Variants in SYN3 observed in about 807,000 individuals in gnomAD.
SYN3 encodes synapsin-3.
In SYN3, 35 loss-of-function variants were observed where a neutral mutation model predicts 65.8. That is an observed-to-expected ratio of 0.53 (90% CI 0.41 to 0.70). SYN3 has a LOEUF of 0.70. SYN3 is among the 30% of genes least tolerant of loss of function. The probability of loss-of-function intolerance (pLI) is 0.00; values close to 1 mark genes in which losing one functional copy is unlikely to be tolerated. For synonymous variants in SYN3, 270 were observed against 292.9 expected (o/e 0.92, Z 0.80); for missense variants, 680 against 749.0 (o/e 0.91, Z 1.08).
chr22:32,661,674 G>A (rs997847226), intron 6 of SYN3, among the ~76,000 whole-genome samples: 26 of 152,114 alleles, frequency 1.7e-4, no homozygotes, highest in Admixed American at 3.3e-4. Context: ...GGGACCTGTC[G>A]CGGTCAAGCA....
chr22:32,822,322 T>C (rs1225859335), intron 6 of SYN3, among the ~76,000 whole-genome samples: 1 of 152,138 alleles, frequency 6.6e-6, no homozygotes, highest in Non-Finnish European at 1.5e-5. Flanking sequence ...ATGTGCTCCA[T>C]GTGCTGATGC....
intron 1 of SYN3, among the ~76,000 whole-genome samples, chr22:33,041,549 C>T (rs570395154): frequency 6.6e-6 from 1 of 152,180 alleles, no homozygotes; most frequent in Admixed American, 6.5e-5. Context: ...CCGCCCGTCT[C>T]GGCCTCCCAA....
At chr22:32,839,519 C>T (rs2047833838) in intron 6 of SYN3, among the ~76,000 whole-genome samples, 1 of 152,130 alleles carries the variant, frequency 6.6e-6, no homozygotes, top group Non-Finnish European at 1.5e-5. Flanking sequence ...GTCCTCCCTC[C>T]CCAGGTAAGT....
intron 4 of SYN3, among the ~76,000 whole-genome samples, chr22:32,869,690 G>GTTT (rs748620876): frequency 2.4e-4 from 27 of 114,890 alleles, no homozygotes; most frequent in Admixed American, 3.1e-4. Context: ...ACACATCTTG[G>GTTT]TTTTTTTTTT....
At chr22:32,832,822 G>A (rs1050296321) in intron 6 of SYN3, among the ~76,000 whole-genome samples, 3 of 151,996 alleles carry the variant, frequency 2.0e-5, no homozygotes, top group African/African-American at 7.3e-5. Context: ...CAACTTCCTA[G>A]GCTCAAGTGA....
chr22:32,813,525 A>T (rs1003397613), intron 6 of SYN3, among the ~76,000 whole-genome samples: 1 of 147,696 alleles, frequency 6.8e-6, no homozygotes, highest in African/African-American at 2.5e-5. Context: ...ACACACACAC[A>T]CACACACACA....
At chr22:33,048,542 T>A (rs1336191482) in intron 1 of SYN3, among the ~76,000 whole-genome samples, 1 of 152,142 alleles carries the variant, frequency 6.6e-6, no homozygotes, top group Non-Finnish European at 1.5e-5. Flanking sequence ...CTTGCCCTAT[T>A]AGTTCACACA....
At chr22:32,695,409 T>C (rs1462089758) in intron 6 of SYN3, among the ~76,000 whole-genome samples, 8 of 152,176 alleles carry the variant, frequency 5.3e-5, no homozygotes, top group South Asian at 2.1e-4. Flanking sequence ...AAACGTCTTG[T>C]TGTGTTCTGT....
At chr22:32,637,943 T>G (rs927908924) in intron 6 of SYN3, among the ~76,000 whole-genome samples, 2 of 152,158 alleles carry the variant, frequency 1.3e-5, no homozygotes, top group African/African-American at 2.4e-5. Context: ...CCAGCAACAG[T>G]TAGCTTTTCA....
chr22:32,701,544 A>T (rs989669586), intron 6 of SYN3, among the ~76,000 whole-genome samples: 2 of 152,220 alleles, frequency 1.3e-5, no homozygotes, highest in Non-Finnish European at 2.9e-5. Flanking sequence ...ATGTCCAAGG[A>T]TATAAAGAAA....
intron 6 of SYN3, among the ~76,000 whole-genome samples, chr22:32,734,502 G>GAGGCAGGC (rs1190443904): frequency 8.8e-6 from 1 of 113,176 alleles, no homozygotes; most frequent in Non-Finnish European, 1.9e-5. Flanking sequence ...GAGCAGAGAA[G>GAGGCAGGC]AGGCAGGCAG....
chr22:32,794,036 A>T (rs1309165933), intron 6 of SYN3, among the ~76,000 whole-genome samples: 1 of 152,158 alleles, frequency 6.6e-6, no homozygotes, highest in Non-Finnish European at 1.5e-5. Flanking sequence ...AACCAAGAAG[A>T]TCCAAGAGCC....
chr22:32,886,910 AGCCCTTACAT>A (rs1413465839), intron 4 of SYN3, among the ~76,000 whole-genome samples: 2 of 152,262 alleles, frequency 1.3e-5, no homozygotes, highest in Non-Finnish European at 2.9e-5. Context: ...CTCATGTTCA[AGCCCTTACAT>A]GCTTCTCCCC....
intron 7 of SYN3, among the ~76,000 whole-genome samples, chr22:32,543,656 C>T (rs1219903708): frequency 2.6e-5 from 4 of 152,188 alleles, no homozygotes; most frequent in African/African-American, 4.8e-5. Flanking sequence ...AGCTGGGTAC[C>T]TGGCCTCCTC....
At chr22:32,694,615 C>T (rs1414108463) in intron 6 of SYN3, among the ~76,000 whole-genome samples, 1 of 152,152 alleles carries the variant, frequency 6.6e-6, no homozygotes, top group Non-Finnish European at 1.5e-5. Context: ...ATATGGTATT[C>T]TCAGGATATG....
At chr22:32,886,222 A>G (rs1432053338) in intron 4 of SYN3, among the ~76,000 whole-genome samples, 1 of 152,260 alleles carries the variant, frequency 6.6e-6, no homozygotes, top group African/African-American at 2.4e-5. Context: ...CAAGACTTTA[A>G]TGAGGTCTGG....
At chr22:32,802,131 T>C (rs1379311016) in intron 6 of SYN3, 1 of 1,577,904 alleles carries the variant, frequency 6.3e-7, no homozygotes, top group African/African-American at 1.3e-5. Flanking sequence ...CGGTAAGCGC[T>C]CCTGGTGCCC....
At chr22:32,533,338 C>A (rs1013337021) in intron 10 of SYN3, among the ~76,000 whole-genome samples, 2 of 152,144 alleles carry the variant, frequency 1.3e-5, no homozygotes, top group Non-Finnish European at 2.9e-5. Context: ...ATGTCCACGG[C>A]TGTATCCCCA....
intron 6 of SYN3, among the ~76,000 whole-genome samples, chr22:32,610,646 A>ATT (rs1458600433): frequency 2.4e-4 from 17 of 71,826 alleles, no homozygotes; most frequent in Non-Finnish European, 5.1e-4. Context: ...GCAATCACGC[A>ATT]ATCTTGGCTC....
Sources: allele counts gnomAD v4.1 joint callset (sites outside exome capture counted in the v4.1 genomes callset), GRCh38; gene constraint gnomAD v4.1.1; transcripts MANE v1.5; gene names NCBI Gene and HGNC (gene_info 2026-07-23, HGNC 2026-07-21).